The following ACO1 variants were observed in gnomAD, a reference collection of about 807,000 sequenced individuals.
ACO1 encodes aconitase 1.
In ACO1, 78 loss-of-function variants were observed where a neutral mutation model predicts 105.1. The ratio of observed to expected loss-of-function variants is 0.74; its 90% CI spans 0.62 to 0.90. The LOEUF (loss-of-function observed/expected upper bound fraction) is 0.90. Ranked by LOEUF, ACO1 falls within the 40% of genes least tolerant of loss-of-function variation. The pLI, the probability that ACO1 is intolerant of heterozygous loss-of-function variation, is 0.00. For synonymous variants in ACO1, 364 were observed against 397.4 expected, an observed-to-expected ratio of 0.92 and a Z score of 1.00; for missense variants, 965 against 1,111.1, an observed-to-expected ratio of 0.87 and a Z score of 1.87.
chr9:32,425,998 G>A lies in ACO1; in HGVS notation c.1348+1G>A, dbSNP rs768276333. 4 of 1,613,098 alleles carry A rather than the reference G, an allele frequency of 2.5e-6. No individual in the cohort carries two copies. Among genetic ancestry groups the A allele is most frequent in the East Asian group, 2.2e-5 (1 of 44,840 alleles). ...AATCCGTCTGTGATGTTAGGGGCAG[G>A]TAAGTGCATTTGACTCCATCCTCAT... On this transcript the variant is annotated splice_donor_variant, in intron 11 of 20. Coordinates refer to ENST00000309951, the MANE Select transcript of ACO1 (RefSeq NM_002197.3). LOFTEE classifies it high-confidence loss of function.
intron 1 of ACO1, among the ~76,000 whole-genome samples, chr9:32,389,955 G>A (rs1484963521): frequency 1.3e-5 from 2 of 151,978 alleles, no homozygotes; most frequent in Non-Finnish European, 2.9e-5. Flanking sequence ...GCGCCACCAC[G>A]CCCAGCCGAT....
At chr9:32,421,395 T>C (rs1269221812) in intron 8 of ACO1, among the ~76,000 whole-genome samples, 1 of 152,034 alleles carries the variant, frequency 6.6e-6, no homozygotes, top group Non-Finnish European at 1.5e-5. Context: ...ATCTGTAGGG[T>C]AGATTGATTG....
intron 14 of ACO1, 26 bp from the exon 15 acceptor site, chr9:32,431,693 C>T (rs758834093): frequency 2.2e-5 from 36 of 1,612,936 alleles, no homozygotes; most frequent in Middle Eastern, 1.6e-4. Context: ...AGAAAGTTTT[C>T]TCATTAATAA....
At chr9:32,412,759 G>A (rs1301288524) in intron 4 of ACO1, among the ~76,000 whole-genome samples, 1 of 152,102 alleles carries the variant, frequency 6.6e-6, no homozygotes, top group Non-Finnish European at 1.5e-5. Context: ...AAATATATGC[G>A]TAAAATGTTA....
At position 32,433,763 on chromosome 9, in the gene ACO1, A is replaced by G; in HGVS notation, c.1887A>G (p.Pro629=). 2 of 1,612,934 alleles carry G rather than the reference A, an allele frequency of 1.2e-6. No homozygotes were observed. Among genetic ancestry groups the G allele is most frequent in the Non-Finnish European group, 1.7e-6 (2 of 1,179,780 alleles). Reference sequence around the variant, plus strand: ...AAAGCTGGAATGCCTTAGCAACCCCATCAGATAAGCTGTTTTTCTGGAATT... The same window carrying G: ...AAAGCTGGAATGCCTTAGCAACCCCGTCAGATAAGCTGTTTTTCTGGAATT... The part of the protein sequence containing the change: ...VNESWNALAT[P]SDKLFFWNSK... The change falls in exon 16 of 21, where the codon CCA becomes CCG. Residue 629 remains proline (P), a synonymous_variant. Coordinates refer to ENST00000309951, the MANE Select transcript of ACO1 (RefSeq NM_002197.3).
rs551247114 is a variant in ACO1 at position 32,397,445 on chromosome 9, A to G, written c.-22-8040A>G. Among the ~76,000 whole-genome samples, 4 of 152,364 alleles carry G rather than the reference A, an allele frequency of 2.6e-5. No individual in the cohort carries two copies. In the East Asian group the frequency reaches 7.7e-4, roughly 29 times the overall value. On this transcript the variant is annotated intron_variant, in intron 1 of 20. Coordinates refer to ENST00000309951, the MANE Select transcript of ACO1 (RefSeq NM_002197.3). ...GCATCCCCATCAAATAAAACAAAGAATTAATGTTTCTAGCTCTCTTATGAA... is the reference window on the plus strand; with the variant it reads ...GCATCCCCATCAAATAAAACAAAGAGTTAATGTTTCTAGCTCTCTTATGAA...
chr9:32,424,449 T>C (rs1337874898), intron 9 of ACO1, 100 bp from the exon 10 acceptor site: 2 of 765,008 alleles, frequency 2.6e-6, no homozygotes, highest in East Asian at 2.6e-5. Flanking sequence ...TATTTGCTTA[T>C]TTTTATGGTT....
intron 1 of ACO1, among the ~76,000 whole-genome samples, chr9:32,395,886 C>T (rs780261729): frequency 2.0e-5 from 3 of 152,210 alleles, no homozygotes; most frequent in Non-Finnish European, 4.4e-5. Flanking sequence ...TTAAAACGAG[C>T]TTAGAGGATG....
At chr9:32,447,641 G>C (rs909970773) in intron 19 of ACO1, among the ~76,000 whole-genome samples, 2 of 152,204 alleles carry the variant, frequency 1.3e-5, no homozygotes, top group Non-Finnish European at 2.9e-5. Context: ...TGGAGGAGAA[G>C]AGCCATTCTG....
intron 2 of ACO1, among the ~76,000 whole-genome samples, chr9:32,405,838 G>A (rs558389868): frequency 3.9e-5 from 6 of 152,166 alleles, no homozygotes; most frequent in South Asian, 4.1e-4. Context: ...CATTTGTATC[G>A]TATCATTTAA....
chr9:32,425,191 T>C (rs1822061692), intron 10 of ACO1, among the ~76,000 whole-genome samples: 2 of 152,228 alleles, frequency 1.3e-5, no homozygotes, highest in Admixed American at 1.3e-4. Context: ...TTTCTGTTGC[T>C]AGACTGTACG....
chr9:32,448,714 A>G (rs549685551), intron 19 of ACO1, among the ~76,000 whole-genome samples, 182 bp from the exon 20 acceptor site: 1 of 152,262 alleles, frequency 6.6e-6, no homozygotes, highest in East Asian at 1.9e-4. Flanking sequence ...AATGAGATGA[A>G]CCGGGTACCT....
chr9:32,450,130 T>C lies in ACO1; in HGVS notation c.*19T>C, dbSNP rs1822726965. The C allele has an allele frequency of 6.3e-7, 1 of 1,595,312 alleles. No homozygotes were observed. Among genetic ancestry groups the C allele is most frequent in the Admixed American group, 1.7e-5 (1 of 59,986 alleles). ...CAAGTAGGAGACGTGCACTTGGTGC[T>C]GCGCCCAGGGAGGAAGCCGCACCAC... On this transcript the variant is annotated 3_prime_UTR_variant, in exon 21 of 21. Coordinates refer to ENST00000309951, the MANE Select transcript of ACO1 (RefSeq NM_002197.3).
intron 1 of ACO1, among the ~76,000 whole-genome samples, chr9:32,391,488 T>C (rs867498561): frequency 1.1e-4 from 16 of 152,334 alleles, no homozygotes; most frequent in Middle Eastern, 3.4e-3. Flanking sequence ...ATCTTTGGTG[T>C]CAAAAATTAA....
chr9:32,389,602 C>A (rs139581932), intron 1 of ACO1, among the ~76,000 whole-genome samples: 58 of 151,984 alleles, frequency 3.8e-4, no homozygotes, highest in Admixed American at 7.9e-4. Context: ...ACCTTGGCCT[C>A]GCCCTCTCAC....
At chr9:32,441,647 A>G (rs1822482769) in intron 19 of ACO1, among the ~76,000 whole-genome samples, 1 of 152,184 alleles carries the variant, frequency 6.6e-6, no homozygotes, top group South Asian at 2.1e-4. Flanking sequence ...GGATTTTAGG[A>G]AGGGGGTTGG....
intron 1 of ACO1, among the ~76,000 whole-genome samples, chr9:32,394,568 C>G (rs1186950532): frequency 6.6e-6 from 1 of 152,208 alleles, no homozygotes; most frequent in East Asian, 1.9e-4. Flanking sequence ...AATAGAGCAG[C>G]TGTGCCATTG....
At chr9:32,443,240 C>G (rs1822521767) in intron 19 of ACO1, among the ~76,000 whole-genome samples, 1 of 152,016 alleles carries the variant, frequency 6.6e-6, no homozygotes, top group Non-Finnish European at 1.5e-5. Flanking sequence ...TAGATGTATT[C>G]AAGATGTAAT....
intron 19 of ACO1, 26 bp downstream of exon 19, chr9:32,440,613 AG>A: frequency 6.2e-7 from 1 of 1,611,080 alleles, no homozygotes; most frequent in Non-Finnish European, 8.5e-7. Context: ...ACATCCTAGG[AG>A]GCAGCTCCCC....
Sources: allele counts gnomAD v4.1 joint callset (sites outside exome capture counted in the v4.1 genomes callset), GRCh38; gene constraint gnomAD v4.1.1; transcripts MANE v1.5; gene names NCBI Gene and HGNC (gene_info 2026-07-23, HGNC 2026-07-21).